The following FAM107B variants were observed in gnomAD, a reference collection of about 807,000 sequenced individuals.
The protein encoded by FAM107B is protein FAM107B.
A neutral mutation model predicts 31.5 loss-of-function variants in FAM107B; 21 were observed. That is an observed-to-expected ratio of 0.67 (90% CI 0.47 to 0.96). The LOEUF is 0.96. Ranked by LOEUF, FAM107B falls within the 40% of genes least tolerant of loss-of-function variation. The pLI is 0.00. For synonymous variants in FAM107B, 157 were observed against 141.5 expected (o/e 1.11, Z -0.78); for missense variants, 452 against 377.1 (o/e 1.20, Z -1.64).
intron 2 of FAM107B, among the ~76,000 whole-genome samples, chr10:14,568,666 G>C (rs12776114): frequency 6.6e-6 from 1 of 151,900 alleles, no homozygotes; most frequent in Non-Finnish European, 1.5e-5. Context: ...GAAGATACTC[G>C]GGTAGGAGAA....
chr10:14,616,933 A>C (rs552255965), intron 2 of FAM107B, among the ~76,000 whole-genome samples: 2 of 152,134 alleles, frequency 1.3e-5, no homozygotes, highest in Non-Finnish European at 2.9e-5. Context: ...AGATAAAAAT[A>C]AAATAAAAGA....
At chr10:14,698,133 A>C (rs952140679) in intron 1 of FAM107B, among the ~76,000 whole-genome samples, 1 of 152,194 alleles carries the variant, frequency 6.6e-6, no homozygotes, top group African/African-American at 2.4e-5. Context: ...TCAAAAAAAA[A>C]AAAGAAGAAA....
intron 1 of FAM107B, among the ~76,000 whole-genome samples, chr10:14,683,810 G>A (rs1854908464): frequency 6.6e-6 from 1 of 152,088 alleles, no homozygotes; most frequent in African/African-American, 2.4e-5. Flanking sequence ...TAAGAAAAAT[G>A]TTTCTCCCAA....
intron 1 of FAM107B, among the ~76,000 whole-genome samples, chr10:14,668,057 T>A (rs1854452725): frequency 6.6e-6 from 1 of 151,994 alleles, no homozygotes; most frequent in African/African-American, 2.4e-5. Context: ...TTTTTGGGTT[T>A]TTTTTGGTGG....
intron 2 of FAM107B, chr10:14,604,123 C>CCCCCCCGG: frequency 1.8e-6 from 1 of 549,310 alleles, no homozygotes; most frequent in Non-Finnish European, 2.3e-6. Flanking sequence ...GACCCCCCAC[C>CCCCCCCGG]CGCCCGGCCG....
intron 2 of FAM107B, among the ~76,000 whole-genome samples, chr10:14,581,123 G>A (rs1851620743): frequency 1.3e-5 from 2 of 152,222 alleles, no homozygotes; most frequent in African/African-American, 2.4e-5. Context: ...ATTTGCAAAT[G>A]AGCACGCACA....
intron 2 of FAM107B, among the ~76,000 whole-genome samples, chr10:14,603,906 C>A (rs1852490831): frequency 1.3e-5 from 2 of 151,042 alleles, no homozygotes; most frequent in South Asian, 4.1e-4. Flanking sequence ...GCAGTGCACA[C>A]CGCGCCGGGT....
intron 2 of FAM107B, 145 bp from the exon 3 acceptor site, chr10:14,530,660 A>C: frequency 1.4e-6 from 1 of 714,578 alleles, no homozygotes; most frequent in Non-Finnish European, 2.2e-6. Flanking sequence ...TAAATATTCT[A>C]AAGCGCTTGG....
chr10:14,585,862 G>A (rs1851808587), intron 2 of FAM107B, among the ~76,000 whole-genome samples: 1 of 152,198 alleles, frequency 6.6e-6, no homozygotes, highest in Non-Finnish European at 1.5e-5. Flanking sequence ...GACCACAGCA[G>A]TCATTGCTGA....
At chr10:14,758,867 C>T (rs1832981272) in intron 1 of FAM107B, among the ~76,000 whole-genome samples, 1 of 125,168 alleles carries the variant, frequency 8.0e-6, no homozygotes, top group Non-Finnish European at 1.6e-5. Context: ...AAGCAAGACC[C>T]TCTCAGAAAA....
At chr10:14,746,179 C>A (rs1832723829) in intron 1 of FAM107B, among the ~76,000 whole-genome samples, 1 of 152,120 alleles carries the variant, frequency 6.6e-6, no homozygotes, top group African/African-American at 2.4e-5. Flanking sequence ...TTATTTTGAG[C>A]CTATGTGTGT....
chr10:14,641,911 C>T (rs1489827117), intron 2 of FAM107B, among the ~76,000 whole-genome samples: 1 of 152,178 alleles, frequency 6.6e-6, no homozygotes, highest in Non-Finnish European at 1.5e-5. Flanking sequence ...GTTCCAGCAT[C>T]AACTGTAATG....
chr10:14,650,411 T>G (rs1042373921), intron 2 of FAM107B, among the ~76,000 whole-genome samples: 2 of 152,012 alleles, frequency 1.3e-5, no homozygotes, highest in African/African-American at 4.8e-5. Flanking sequence ...TCAGCTTCCC[T>G]AGTAGCTGGG....
intron 1 of FAM107B, among the ~76,000 whole-genome samples, chr10:14,750,522 G>A (rs1322601224): frequency 2.6e-5 from 4 of 152,164 alleles, no homozygotes; most frequent in Non-Finnish European, 4.4e-5. Flanking sequence ...TGAGGCGGGA[G>A]AATCGCTTGA....
At chr10:14,684,069 C>G (rs1335704549) in intron 1 of FAM107B, among the ~76,000 whole-genome samples, 1 of 152,210 alleles carries the variant, frequency 6.6e-6, no homozygotes, top group African/African-American at 2.4e-5. Context: ...GACTTGGTGT[C>G]CGATGAGGGC....
intron 2 of FAM107B, among the ~76,000 whole-genome samples, chr10:14,583,916 C>T (rs781476754): frequency 6.6e-5 from 10 of 152,170 alleles, no homozygotes; most frequent in African/African-American, 9.7e-5. Flanking sequence ...GAAAGGGACT[C>T]GTGGTCACCG....
At chr10:14,556,509 G>T in intron 2 of FAM107B, 3 of 743,406 alleles carry the variant, frequency 4.0e-6, no homozygotes, top group Non-Finnish European at 4.9e-6. Context: ...CTCAGCTCTG[G>T]ACAAAACAAA....
chr10:14,723,538 A>C, intron 1 of FAM107B: 2 of 638,054 alleles, frequency 3.1e-6, no homozygotes, highest in Non-Finnish European at 5.8e-6. Context: ...ACACCACATC[A>C]AACCCACTGT....
At chr10:14,565,822 G>A (rs1232833725) in intron 2 of FAM107B, among the ~76,000 whole-genome samples, 5 of 152,174 alleles carry the variant, frequency 3.3e-5, no homozygotes, top group South Asian at 2.1e-4. Flanking sequence ...GGAAACCCAG[G>A]GGAGAGTGTC....
Sources: allele counts gnomAD v4.1 joint callset (sites outside exome capture counted in the v4.1 genomes callset), GRCh38; gene constraint gnomAD v4.1.1; transcripts MANE v1.5; gene names NCBI Gene and HGNC (gene_info 2026-07-23, HGNC 2026-07-21).